Variants in STK11IP observed in about 807,000 individuals in gnomAD.
The protein encoded by STK11IP is serine/threonine-protein kinase 11-interacting protein.
In STK11IP, 103 loss-of-function variants were observed where a neutral mutation model predicts 131.7. That is an observed-to-expected ratio of 0.78 (90% CI 0.67 to 0.92). STK11IP has a LOEUF of 0.92. Among genes scored for constraint, STK11IP ranks in the 40% least tolerant of loss-of-function variants. STK11IP has a pLI of 0.00. For missense variants in STK11IP, 1,315 were observed against 1,385.7 expected (o/e 0.95, Z 0.81); for synonymous variants, 557 against 575.6 (o/e 0.97, Z 0.46).
rs1423083173 is a variant in STK11IP at position 219,611,983 on chromosome 2, G to A, written c.2364G>A (p.Val788=). 9.4e-6 allele frequency: 15 copies of A among 1,602,792 alleles called. No individual in the cohort carries two copies. Among genetic ancestry groups the A allele is most frequent in the Non-Finnish European group, 1.3e-5 (15 of 1,175,690 alleles). ...PPPERCGLRS[V]DHRLRLFLDV... is the part of the protein sequence containing the mutation. ...CTGAGCGCTGTGGCCTCCGCTCTGTGGACCACCGACTCCGGCTCTTCCTGG... is the reference window on the plus strand; with the variant it reads ...CTGAGCGCTGTGGCCTCCGCTCTGTAGACCACCGACTCCGGCTCTTCCTGG... The change falls in exon 19 of 25, where the codon GTG becomes GTA. Residue 788 remains valine (V), a synonymous_variant. Transcript: ENST00000456909.
At chr2:219,598,216 T>A in intron 2 of STK11IP, 36 bp downstream of exon 2, 1 of 1,468,498 alleles carries the variant, frequency 6.8e-7, no homozygotes, top group South Asian at 1.3e-5. Flanking sequence ...GCCTCGGACC[T>A]CGGACGAGGT....
At chr2:219,609,255 T>G (rs1169899374) in intron 16 of STK11IP, 42 bp downstream of exon 16, 3 of 1,575,250 alleles carry the variant, frequency 1.9e-6, no homozygotes, top group Non-Finnish European at 2.6e-6. Context: ...CTGTGGGGAT[T>G]AAGAGAGCCA....
At chr2:219,608,891 C>G in intron 15 of STK11IP, 103 bp downstream of exon 15, 2 of 1,322,372 alleles carry the variant, frequency 1.5e-6, no homozygotes, top group Non-Finnish European at 2.0e-6. Context: ...CTCCTTGGCA[C>G]TAGGAGCCGA....
At chr2:219,611,348 C>T (rs1375285361) in intron 17 of STK11IP, among the ~76,000 whole-genome samples, 6 of 152,128 alleles carry the variant, frequency 3.9e-5, no homozygotes, top group Non-Finnish European at 8.8e-5. Context: ...TCTGAGAGGG[C>T]CTAGAGTTAG....
In STK11IP at chr2:219,611,839, G is replaced by C; in HGVS notation, c.2335+5G>C. The stretch of plus-strand genomic sequence containing the variant: ...GTAGTTGGAGCCTCAGTCCCCGTGA[G>C]TATAGGCAAAACAAGACATAGATGA... On this transcript the variant is annotated splice_donor_5th_base_variant and intron_variant, in intron 18 of 24. Transcript: ENST00000456909. 6.2e-7 allele frequency: 1 copy of C among 1,608,520 alleles called. No homozygotes were observed. Among genetic ancestry groups the C allele is most frequent in the Non-Finnish European group, 8.5e-7 (1 of 1,177,670 alleles).
At chr2:219,600,041 G>GTT (rs1203746448) in intron 2 of STK11IP, among the ~76,000 whole-genome samples, 73 of 91,966 alleles carry the variant, frequency 7.9e-4, no homozygotes, top group African/African-American at 1.2e-3. Context: ...TGCCCTTTGT[G>GTT]TTTTTTTTTT....
chr2:219,615,966 C>A (rs1385697142), intron 24 of STK11IP, 78 bp from the exon 25 acceptor site: 2 of 1,557,492 alleles, frequency 1.3e-6, no homozygotes, highest in African/African-American at 1.4e-5. Context: ...GACAGTGAGG[C>A]CTTCGCAGAG....
chr2:219,602,214 C>T (rs1698010070), intron 5 of STK11IP, 131 bp downstream of exon 5: 2 of 712,616 alleles, frequency 2.8e-6, no homozygotes, highest in African/African-American at 1.8e-5. Context: ...CACTCCCTCT[C>T]TGTGTTCCCG....
rs1698015857 is a variant in STK11IP at position 219,602,374 on chromosome 2, T to TA, written c.439-88dup. 7.2e-6 allele frequency: 7 copies of TA among 973,042 alleles called. No homozygotes were observed. The Admixed American group carries it at 1.3e-4, about 18-fold the overall frequency. 60.3% of individuals were successfully genotyped at this position (973,042 alleles called of 1,614,324 possible). A position where few individuals can be genotyped will look rare whatever the true frequency, so the allele number is the denominator to read the frequency against. ...GTATCTTCAGATGGAGTTCAGTGTA[T>TA]AAAAAATGAATGAGTGACTGGGTGG... On this transcript the variant is annotated intron_variant, in intron 5 of 24. Transcript: ENST00000456909.
At chr2:219,612,206 GAC>G in intron 19 of STK11IP, 148 bp downstream of exon 19, 1 of 704,182 alleles carries the variant, frequency 1.4e-6, no homozygotes, top group East Asian at 2.7e-5. Flanking sequence ...TGTGGCCGTG[GAC>G]ACATTCCCTG....
In STK11IP at chr2:219,605,661, G is replaced by A; in HGVS notation, c.672G>A (p.Val224=). The change falls in exon 8 of 25, where the codon GTG becomes GTA. Residue 224 remains valine, a synonymous_variant. Transcript: ENST00000456909. The part of the protein sequence containing the change: ...LDISYNRLHL[V]PRMGPSGAAL... The stretch of plus-strand genomic sequence containing the variant: ...TCTCCTATAATCGCCTGCATTTGGT[G>A]CCAAGAATGGGACCCTCAGGGGCTG... The A allele has an allele frequency of 1.3e-6, 2 of 1,559,512 alleles. No individual in the cohort carries two copies. Among genetic ancestry groups the A allele is most frequent in the South Asian group, 1.2e-5 (1 of 84,528 alleles).
Position 219,608,126 on chromosome 2 carries a change from C to A in STK11IP, c.1299C>A (p.Tyr433Ter), listed in dbSNP as rs535956219. The change falls in exon 14 of 25, where the codon TAC (tyrosine) becomes TAA (stop). Residue 433 changes from tyrosine to a stop codon, truncating the protein, a stop_gained. Transcript: ENST00000456909. LOFTEE classifies it high-confidence loss of function. The part of the protein sequence containing the change: ...RERFGRNWLQ[Y>*]RSHLEPSGNP... ...GGTTCGGCCGCAACTGGCTGCAGTACAGGAGTCACCTGGAGCCCTCCGGAA... is the reference window on the plus strand; with the variant it reads ...GGTTCGGCCGCAACTGGCTGCAGTAAAGGAGTCACCTGGAGCCCTCCGGAA... 6.2e-7 allele frequency: 1 copy of A among 1,613,432 alleles called. No individual in the cohort carries two copies. Among genetic ancestry groups the A allele is most frequent in the African/African-American group, 1.3e-5 (1 of 75,042 alleles).
chr2:219,614,629 C>T (rs1330611428), intron 23 of STK11IP, 83 bp downstream of exon 23: 1 of 1,382,232 alleles, frequency 7.2e-7, no homozygotes, highest in African/African-American at 1.4e-5. Context: ...AGCACCTGTA[C>T]AGTGCCCTTG....
intron 15 of STK11IP, 70 bp from the exon 16 acceptor site, chr2:219,609,027 C>A: frequency 7.9e-7 from 1 of 1,268,372 alleles, no homozygotes; most frequent in Non-Finnish European, 1.1e-6. Flanking sequence ...CCTCCATGCT[C>A]TCAGCATCCC....
intron 5 of STK11IP, 30 bp downstream of exon 5, chr2:219,602,113 C>T (rs1279898982): frequency 6.6e-7 from 1 of 1,504,214 alleles, no homozygotes; most frequent in Non-Finnish European, 9.1e-7. Flanking sequence ...AGCTCAGACA[C>T]CTCAACTTGA....
chr2:219,602,398 G>A, intron 5 of STK11IP, 70 bp from the exon 6 acceptor site: 1 of 1,138,060 alleles, frequency 8.8e-7, no homozygotes, highest in Non-Finnish European at 1.3e-6. Context: ...GTGACTGGGT[G>A]GTAGAGCTTG....
Position 219,601,706 on chromosome 2 carries a change from G to A in STK11IP, c.333G>A (p.Arg111=). 1 of 1,603,040 alleles carries A rather than the reference G, an allele frequency of 6.2e-7. No homozygotes were observed. The highest frequency in any genetic ancestry group is 8.5e-7 in the Non-Finnish European group (1 of 1,174,216). ...PIKIFPFKSL[R]HLELRGVPLH... is the part of the protein sequence containing the mutation. ...AGATTTTCCCCTTCAAATCCCTTCG[G>A]CACCTGGAGGTATGGGGACACGGGG... Residue 111 remains arginine (R), a synonymous_variant, in exon 4 of 25, where the codon CGG becomes CGA. Coordinates refer to ENST00000456909, the MANE Select transcript of STK11IP (RefSeq NM_052902.4).
rs200765370 is a variant in STK11IP, at chr2:219,615,321, C to G, written c.3097C>G (p.Arg1033Gly). 6.2e-6 allele frequency: 10 copies of G among 1,601,458 alleles called. 1 individual carries two copies. The South Asian group carries it at 6.6e-5, about 11-fold the overall frequency. Residue 1033 changes from arginine to glycine, a missense_variant, in exon 24 of 25, where the codon CGG (arginine) becomes GGG (glycine). Transcript: ENST00000456909. ...CTACCGCTCAGCCCCTGAGGACTTG[C>G]GGCTGCTCTTCTACGATGAGGTGTG... The part of the protein sequence containing the change: ...LLYRSAPEDL[R>G]LLFYDEVSRL...
At chr2:219,612,718 G>C (rs1698435523) in intron 19 of STK11IP, among the ~76,000 whole-genome samples, 1 of 152,192 alleles carries the variant, frequency 6.6e-6, no homozygotes, top group Admixed American at 6.5e-5. Flanking sequence ...GAGGGGCAGG[G>C]GTCCTGAGAG....
Sources: allele counts gnomAD v4.1 joint callset (sites outside exome capture counted in the v4.1 genomes callset), GRCh38; gene constraint gnomAD v4.1.1; transcripts MANE v1.5; gene names NCBI Gene and HGNC (gene_info 2026-07-23, HGNC 2026-07-21).